Variants in RECQL5 observed in about 807,000 individuals in gnomAD.
The protein encoded by RECQL5 is ATP-dependent DNA helicase Q5.
A neutral mutation model predicts 103.4 loss-of-function variants in RECQL5; 88 were observed. The observed-to-expected ratio is 0.85, with a 90% CI of 0.72 to 1.02. RECQL5 has a LOEUF of 1.02. Among genes scored for constraint, RECQL5 ranks in the 50% least tolerant of loss-of-function variants. RECQL5 has a pLI of 0.00. For synonymous variants in RECQL5, 552 were observed against 507.9 expected, an observed-to-expected ratio of 1.09 and a Z score of -1.17; for missense variants, 1,232 against 1,284.3, an observed-to-expected ratio of 0.96 and a Z score of 0.62.
chr17:75,628,189 AGAAGG>A, intron 18 of RECQL5, 24 bp downstream of exon 18: 1 of 1,556,800 alleles, frequency 6.4e-7, no homozygotes, highest in Non-Finnish European at 8.9e-7. Flanking sequence ...CAGGCATGGG[AGAAGG>A]CAGAGCCCAC....
At chr17:75,666,803 C>A (rs1405718853) in intron 1 of RECQL5, 2 of 464,282 alleles carry the variant, frequency 4.3e-6, no homozygotes, top group East Asian at 7.9e-5. Flanking sequence ...TTCCAGGCCA[C>A]GGTATAGCAC....
In RECQL5 at chr17:75,662,797, C is replaced by A. The variant is rs746744975; in HGVS notation, c.453G>T (p.Leu151=). ...TLNSLVSRHL[L]SYLVVDEAHC... ...GAGCTTCATCCACCACCAAGTAAGACAGCAGGTGGCGGGACACCAGGGAGT... is the reference window on the plus strand; with the variant it reads ...GAGCTTCATCCACCACCAAGTAAGAAAGCAGGTGGCGGGACACCAGGGAGT... The change falls in exon 4 of 20, where the codon CTG becomes CTT. Residue 151 remains leucine (L), a synonymous_variant. Coordinates refer to ENST00000317905, the MANE Select transcript of RECQL5 (RefSeq NM_004259.7). 1 of 1,614,146 alleles carries A rather than the reference C, an allele frequency of 6.2e-7. No individual in the cohort carries two copies. The highest frequency in any genetic ancestry group is 8.5e-7 in the Non-Finnish European group (1 of 1,180,026).
chr17:75,644,356 G>A (rs1302235194), intron 8 of RECQL5, among the ~76,000 whole-genome samples: 1 of 151,932 alleles, frequency 6.6e-6, no homozygotes, highest in Non-Finnish European at 1.5e-5. Flanking sequence ...TCACATGCAT[G>A]TAATCCCAGC....
In RECQL5 at chr17:75,661,640, G is replaced by A; in HGVS notation, c.840C>T (p.Ser280=). ...EACEQLAIEL[S]CRGVNAKAYH... Reference sequence around the variant, plus strand: ...AAGCCTTGGCGTTCACACCCCTGCAGCTGAGCTCTATGGCCAGCTGTTCAC... The same window carrying A: ...AAGCCTTGGCGTTCACACCCCTGCAACTGAGCTCTATGGCCAGCTGTTCAC... Residue 280 remains serine (S), a synonymous_variant, in exon 5 of 20, where the codon AGC becomes AGT. Transcript: ENST00000317905. The A allele has an allele frequency of 1.9e-6, 3 of 1,614,104 alleles. No homozygotes were observed. The highest frequency in any genetic ancestry group is 2.5e-6 in the Non-Finnish European group (3 of 1,180,032).
In RECQL5 at chr17:75,661,079, G is replaced by A; in HGVS notation, c.875-13C>T. The A allele has an allele frequency of 6.2e-7, 1 of 1,602,516 alleles. No homozygotes were observed. Among genetic ancestry groups the A allele is most frequent in the Non-Finnish European group, 8.6e-7 (1 of 1,169,384 alleles). ...GAGGCCTTCAGCCCTGTAAAGGAGG[G>A]GAAGATGGAGAAGGGAACTCACATT... is the stretch of plus-strand genomic sequence containing the variant. On this transcript the variant is annotated splice_polypyrimidine_tract_variant and intron_variant, in intron 5 of 19. Transcript: ENST00000317905.
chr17:75,647,502 C>T (rs1233394567), intron 8 of RECQL5: 59 of 1,550,270 alleles, frequency 3.8e-5, no homozygotes, highest in Non-Finnish European at 4.9e-5. Context: ...TCTTATTTGC[C>T]ATCGTGTTTG....
Position 75,627,295 on chromosome 17 carries a change from A to T in RECQL5, c.*127T>A. The T allele has an allele frequency of 1.3e-6, 1 of 793,880 alleles. No homozygotes were observed. Among genetic ancestry groups the T allele is most frequent in the Non-Finnish European group, 2.2e-6 (1 of 463,438 alleles). 49.2% of individuals were successfully genotyped at this position (793,880 alleles called of 1,614,324 possible). A position where few individuals can be genotyped will look rare whatever the true frequency, so the allele number is the denominator to read the frequency against. On this transcript the variant is annotated 3_prime_UTR_variant, in exon 20 of 20. Coordinates refer to ENST00000317905, the MANE Select transcript of RECQL5 (RefSeq NM_004259.7). Reference sequence around the variant, plus strand: ...AGGGGGTGTCTGGGGTCATCCCCAAAGCCAAGTATGGTTGGAAAGGAGAAG... The same window carrying T: ...AGGGGGTGTCTGGGGTCATCCCCAATGCCAAGTATGGTTGGAAAGGAGAAG...
intron 6 of RECQL5, 108 bp from the exon 7 acceptor site, chr17:75,658,568 G>A (rs2059657694): frequency 1.0e-6 from 1 of 997,534 alleles, no homozygotes; most frequent in Non-Finnish European, 1.5e-6. Context: ...TAGGGAGGGA[G>A]AGGGATAGTC....
intron 6 of RECQL5, among the ~76,000 whole-genome samples, chr17:75,658,900 G>C (rs2148334857): frequency 6.6e-6 from 1 of 152,238 alleles, no homozygotes; most frequent in South Asian, 2.1e-4. Context: ...ATGTGAGGTA[G>C]CCCATTCTCC....
At position 75,629,139 on chromosome 17, in the gene RECQL5, G is replaced by A; in HGVS notation, c.2284C>T (p.Gln762Ter). ...CGGCAGAAGAAGCGGGCGATGCTCTGAGAATCCTTGTGGGCCGCTGTGGCT... is the reference window on the plus strand; with the variant it reads ...CGGCAGAAGAAGCGGGCGATGCTCTAAGAATCCTTGTGGGCCGCTGTGGCT... ...LLATAAHKDSQSIARFFCRRV... is the reference protein window; with the variant it reads ...LLATAAHKDS The change falls in exon 16 of 20, where the codon CAG (glutamine) becomes TAG (stop). Residue 762 changes from glutamine to a stop codon, truncating the protein, a stop_gained. Coordinates refer to ENST00000317905, the MANE Select transcript of RECQL5 (RefSeq NM_004259.7). LOFTEE classifies it high-confidence loss of function. 1.2e-6 allele frequency: 2 copies of A among 1,613,836 alleles called. No individual in the cohort carries two copies. The highest frequency in any genetic ancestry group is 2.2e-5 in the South Asian group (2 of 91,080).
intron 8 of RECQL5, chr17:75,646,624 TG>T (rs2059492003): frequency 6.6e-6 from 1 of 152,306 alleles, no homozygotes; most frequent in African/African-American, 2.4e-5. Flanking sequence ...CAGGGCCGCT[TG>T]GCCACGCTCA....
In RECQL5 at chr17:75,631,615, G is replaced by A. The variant is rs2148236863; in HGVS notation, c.1283C>T (p.Ala428Val). The A allele has an allele frequency of 6.2e-7, 1 of 1,612,518 alleles. No individual in the cohort carries two copies. The highest frequency in any genetic ancestry group is 8.5e-7 in the Non-Finnish European group (1 of 1,179,852). The change falls in exon 9 of 20, where the codon GCC becomes GTC. Residue 428 changes from alanine to valine, a missense_variant. Transcript: ENST00000317905. ...GTTCTGGCAGTGGTCGCAGCCTTTGGCGCAGGCAGGCAGCGCATCCCCGAA... is the reference window on the plus strand; with the variant it reads ...GTTCTGGCAGTGGTCGCAGCCTTTGACGCAGGCAGGCAGCGCATCCCCGAA... ...KYFGDALPAC[A>V]KGCDHCQNPT...
At chr17:75,664,393 TTC>T (rs1381633285) in intron 3 of RECQL5, among the ~76,000 whole-genome samples, 1 of 152,226 alleles carries the variant, frequency 6.6e-6, no homozygotes, top group African/African-American at 2.4e-5. Context: ...CATCTGCAAC[TTC>T]TGTCTCAACA....
At chr17:75,633,149 TCCCCAGGAGTCCGTGCGCCCGCACAGCGG>T (rs1334705192) in intron 8 of RECQL5, among the ~76,000 whole-genome samples, 1 of 152,186 alleles carries the variant, frequency 6.6e-6, no homozygotes, top group Non-Finnish European at 1.5e-5. Context: ...AAATGGTTCA[TCCCCAGGAGTCCGTGCGCCCGCACAGCGG>T]CCGCCTGTCC....
chr17:75,633,445 CAGA>C, intron 8 of RECQL5: 1 of 1,289,104 alleles, frequency 7.8e-7, no homozygotes, highest in Non-Finnish European at 1.0e-6. Flanking sequence ...ACAGCCCCAG[CAGA>C]AGGCCCTCAC....
chr17:75,629,978 GT>G, intron 14 of RECQL5, 136 bp from the exon 15 acceptor site: 1 of 1,208,958 alleles, frequency 8.3e-7, no homozygotes. Flanking sequence ...CACTGGGCAA[GT>G]TTTAGGCCTC....
intron 7 of RECQL5, among the ~76,000 whole-genome samples, chr17:75,657,415 C>T (rs2148331561): frequency 6.6e-6 from 1 of 152,060 alleles, no homozygotes; most frequent in East Asian, 1.9e-4. Flanking sequence ...AGAAACAAGG[C>T]AGTACTGATC....
In RECQL5 at chr17:75,662,481, C is replaced by G. The variant is rs779105769; in HGVS notation, c.769G>C (p.Gly257Arg). The G allele has an allele frequency of 6.2e-7, 1 of 1,612,514 alleles. No individual in the cohort carries two copies. Residue 257 changes from glycine (G) to arginine (R), a missense_variant and splice_region_variant, in exon 4 of 20, where the codon GGG (glycine) becomes CGG (arginine). By Grantham distance (125) the Gly-to-Arg change is moderately radical. Transcript: ENST00000317905. Reference protein sequence around the residue: ...LKALGQEADKGLSGCGIVYCR... With the variant: ...LKALGQEADKRLSGCGIVYCR... ...TGGCCTCCACCTCAATGCCTCACCC[C>G]TTTATCAGCCTCCTGTCCAAGAGCC...
At position 75,627,262 on chromosome 17, in the gene RECQL5, C is replaced by A; in HGVS notation, c.*160G>T. 1 of 705,512 alleles carries A rather than the reference C, an allele frequency of 1.4e-6. No individual in the cohort carries two copies. Among genetic ancestry groups the A allele is most frequent in the Non-Finnish European group, 2.6e-6 (1 of 390,644 alleles). The allele number at this position is 705,512 out of a possible 1,614,324, so 43.7% of individuals were successfully genotyped here. On this transcript the variant is annotated 3_prime_UTR_variant, in exon 20 of 20. Coordinates refer to ENST00000317905, the MANE Select transcript of RECQL5 (RefSeq NM_004259.7). ...AAAGAAAGGTGGGCTGACCTCTGAC[C>A]TGGATTCAGGGGGTGTCTGGGGTCA...
Sources: allele counts gnomAD v4.1 joint callset (sites outside exome capture counted in the v4.1 genomes callset), GRCh38; gene constraint gnomAD v4.1.1; transcripts MANE v1.5; gene names NCBI Gene and HGNC (gene_info 2026-07-23, HGNC 2026-07-21).